The following MRRF variants were observed in gnomAD, a reference collection of about 807,000 sequenced individuals.
MRRF encodes ribosome-recycling factor, mitochondrial.
Under a neutral mutation model 25.1 loss-of-function variants are expected in MRRF, and 18 were observed. The observed-to-expected ratio is 0.72, with a 90% CI of 0.50 to 1.06. MRRF has a LOEUF of 1.06. MRRF is among the 50% of genes least tolerant of loss of function. The probability of loss-of-function intolerance (pLI) is 0.00; values close to 1 mark genes in which losing one functional copy is unlikely to be tolerated. For missense variants in MRRF, 323 were observed against 319.3 expected (o/e 1.01, Z -0.09); for synonymous variants, 113 against 112.1 (o/e 1.01, Z -0.05).
At position 122,314,752 on chromosome 9, in the gene MRRF, G is replaced by A. The variant is rs149185380; in HGVS notation, c.711+1366G>A. 1.9e-3 allele frequency among the ~76,000 whole-genome samples: 287 copies of A among 152,310 alleles called. 2 individuals are homozygous for A. The highest frequency in any genetic ancestry group is 6.3e-3 in the African/African-American group (263 of 41,570). On this transcript the variant is annotated intron_variant, in intron 6 of 6. Transcript: ENST00000344641. ...TTGTAGGGGGCAAGACTGGAGGCAG[G>A]GCGATAGGGATGCTGCTGCAGAAAT...
At chr9:122,293,151 T>C (rs1833881555) in intron 5 of MRRF, among the ~76,000 whole-genome samples, 1 of 152,086 alleles carries the variant, frequency 6.6e-6, no homozygotes, top group Non-Finnish European at 1.5e-5. Flanking sequence ...GCTTTTATTA[T>C]GGATAGGGAG....
rs1410032014 is a variant in MRRF, at chr9:122,322,811, C to T, written c.*194C>T. ...TTCTCTTCCTGCTTCTGCTCTGGGC[C>T]GGTGGGTGGCTCTCAGAAAATACTT... On this transcript the variant is annotated 3_prime_UTR_variant, in exon 7 of 7. Coordinates refer to ENST00000344641, the MANE Select transcript of MRRF (RefSeq NM_138777.5). 8 of 645,978 alleles carry T rather than the reference C, an allele frequency of 1.2e-5. No individual in the cohort carries two copies. Among genetic ancestry groups the T allele is most frequent in the Admixed American group, 4.8e-5 (2 of 41,814 alleles). 40.0% of individuals were successfully genotyped at this position (645,978 alleles called of 1,614,324 possible). A position where few individuals can be genotyped will look rare whatever the true frequency, so the allele number is the denominator to read the frequency against.
At position 122,325,632 on chromosome 9, in the gene MRRF, GT is replaced by G. The variant is rs1199180855; in HGVS notation, c.*3016del. ...AATTTGAGAATTTTTTTCCTGTCTG[GT>G]GTGTGTGTGTGTGTGTGTGTGTGTG... On this transcript the variant is annotated 3_prime_UTR_variant, in exon 7 of 7. Coordinates refer to ENST00000344641, the MANE Select transcript of MRRF (RefSeq NM_138777.5). The G allele has an allele frequency of 2.7e-3, 7 of 2,592 alleles. No homozygotes were observed. The highest frequency in any genetic ancestry group is 4.9e-3 in the Non-Finnish European group (5 of 1,018). The allele number at this position is 2,592 out of a possible 1,614,324, so 0.2% of individuals were successfully genotyped here.
At chr9:122,273,275 G>T (rs950376024) in intron 2 of MRRF, among the ~76,000 whole-genome samples, 1 of 151,886 alleles carries the variant, frequency 6.6e-6, no homozygotes, top group African/African-American at 2.4e-5. Context: ...ACATGGGGAA[G>T]CCCTGTCTCT....
At chr9:122,317,278 A>G (rs1457696671) in intron 6 of MRRF, among the ~76,000 whole-genome samples, 1 of 152,052 alleles carries the variant, frequency 6.6e-6, no homozygotes, top group Non-Finnish European at 1.5e-5. Context: ...TGAGCTGAAA[A>G]TGTTGCTTAT....
rs540522813 is a variant in MRRF, at chr9:122,270,792, G to A, written c.-28-72G>A. 80 of 1,163,400 alleles carry A rather than the reference G, an allele frequency of 6.9e-5. No individual in the cohort carries two copies. The East Asian group carries it at 1.6e-3, about 23-fold the overall frequency. 72.1% of individuals were successfully genotyped at this position (1,163,400 alleles called of 1,614,324 possible). ...ATAGGAGTTGCTTGATAATTGGTAC[G>A]AATTACCTGAAGTTGCAAGCTTTGT... On this transcript the variant is annotated intron_variant, in intron 1 of 6. Coordinates refer to ENST00000344641, the MANE Select transcript of MRRF (RefSeq NM_138777.5).
chr9:122,271,043 C>T lies in MRRF; in HGVS notation c.152C>T (p.Pro51Leu). The change falls in exon 2 of 7, where the codon CCA (proline) becomes CTA (leucine). Residue 51 changes from proline to leucine, a missense_variant. Coordinates refer to ENST00000344641, the MANE Select transcript of MRRF (RefSeq NM_138777.5). Reference sequence around the variant, plus strand: ...CAATACATGGCCTATTCAGCTGTACCAGTCCGCCATTTTGCTACCAAGAAA... The same window carrying T: ...CAATACATGGCCTATTCAGCTGTACTAGTCCGCCATTTTGCTACCAAGAAA... ...HRQYMAYSAVPVRHFATKKAK... is the reference protein window; with the variant it reads ...HRQYMAYSAVLVRHFATKKAK... 6.2e-7 allele frequency: 1 copy of T among 1,614,040 alleles called. No homozygotes were observed. The highest frequency in any genetic ancestry group is 2.2e-5 in the East Asian group (1 of 44,896).
rs887129305 is a variant in MRRF, at chr9:122,327,841, G to A, written c.*5224G>A. 3 of 149,788 alleles carry A rather than the reference G, an allele frequency of 2.0e-5. No homozygotes were observed. The highest frequency in any genetic ancestry group is 7.3e-5 in the African/African-American group (3 of 40,936). The allele number at this position is 149,788 out of a possible 1,614,324, so 9.3% of individuals were successfully genotyped here. A position where few individuals can be genotyped will look rare whatever the true frequency, so the allele number is the denominator to read the frequency against. Reference sequence around the variant, plus strand: ...GCTTTCCCCATTTCTTGATTTTTAAGCTTTCAGAATCACTATTTTAGGTGT... The same window carrying A: ...GCTTTCCCCATTTCTTGATTTTTAAACTTTCAGAATCACTATTTTAGGTGT... On this transcript the variant is annotated 3_prime_UTR_variant, in exon 7 of 7. Transcript: ENST00000344641.
intron 4 of MRRF, among the ~76,000 whole-genome samples, chr9:122,288,632 A>G (rs752769355): frequency 6.6e-6 from 1 of 152,232 alleles, no homozygotes; most frequent in Non-Finnish European, 1.5e-5. Context: ...AAGACAGACT[A>G]TGTGTCTACT....
Position 122,326,732 on chromosome 9 carries a change from A to G in MRRF, c.*4115A>G, listed in dbSNP as rs1836153653. ...CTCCTTCAACCTCAGGCTAACATTT[A>G]TTGAATGCCTACAGTCGGCCAGGTT... On this transcript the variant is annotated 3_prime_UTR_variant, in exon 7 of 7. Coordinates refer to ENST00000344641, the MANE Select transcript of MRRF (RefSeq NM_138777.5). 1 of 152,164 alleles carries G rather than the reference A, an allele frequency of 6.6e-6. No homozygotes were observed. Among genetic ancestry groups the G allele is most frequent in the Non-Finnish European group, 1.5e-5 (1 of 68,034 alleles). The allele number at this position is 152,164 out of a possible 1,614,324, so 9.4% of individuals were successfully genotyped here. A position where few individuals can be genotyped will look rare whatever the true frequency, so the allele number is the denominator to read the frequency against.
In MRRF at chr9:122,280,504, A is replaced by G. The variant is rs758475023; in HGVS notation, c.246A>G (p.Ile82Met). ...VNINAALVED[I>M]INLEEVNEEM... is the part of the protein sequence containing the mutation. ...TTAATGCTGCCTTGGTTGAGGATAT[A>G]ATCAACTTGGAAGAGGTGAATGAAG... The change falls in exon 3 of 7, where the codon ATA (isoleucine) becomes ATG (methionine). Residue 82 changes from isoleucine to methionine, a missense_variant. By Grantham distance (10) the Ile-to-Met change is conservative (BLOSUM62 1). Transcript: ENST00000344641. 1.2e-6 allele frequency: 2 copies of G among 1,613,990 alleles called. No individual in the cohort carries two copies. Among genetic ancestry groups the G allele is most frequent in the Non-Finnish European group, 1.7e-6 (2 of 1,179,852 alleles).
chr9:122,311,171 A>G (rs1052934249), intron 5 of MRRF, among the ~76,000 whole-genome samples: 5 of 152,188 alleles, frequency 3.3e-5, no homozygotes, highest in African/African-American at 7.2e-5. Context: ...TGAGCAATAG[A>G]TACAGGTATG....
intron 5 of MRRF, among the ~76,000 whole-genome samples, chr9:122,294,115 A>AC (rs1242460596): frequency 3.3e-5 from 5 of 151,844 alleles, no homozygotes; most frequent in Non-Finnish European, 5.9e-5. Context: ...CAGTCACTTA[A>AC]CCTCCCTGAG....
intron 5 of MRRF, among the ~76,000 whole-genome samples, chr9:122,311,112 A>G (rs1373597747): frequency 1.3e-5 from 2 of 152,212 alleles, no homozygotes; most frequent in Admixed American, 6.5e-5. Context: ...GAGATAAGGA[A>G]ACTGAGGCTC....
chr9:122,293,274 C>G (rs909506300), intron 5 of MRRF, among the ~76,000 whole-genome samples: 2 of 152,180 alleles, frequency 1.3e-5, no homozygotes, highest in Non-Finnish European at 2.9e-5. Flanking sequence ...CACACATTAT[C>G]CTGTATTCCT....
chr9:122,290,181 A>G (rs1347032796), intron 4 of MRRF, among the ~76,000 whole-genome samples: 4 of 152,194 alleles, frequency 2.6e-5, no homozygotes, highest in African/African-American at 9.7e-5. Context: ...TTAAATCCCT[A>G]TTCAGTCTCC....
chr9:122,306,408 G>A (rs1241875767), intron 5 of MRRF, among the ~76,000 whole-genome samples: 1 of 152,178 alleles, frequency 6.6e-6, no homozygotes, highest in East Asian at 1.9e-4. Context: ...GAACAGAGGA[G>A]AACAGTGAAG....
At chr9:122,288,151 A>G (rs886663640) in intron 4 of MRRF, among the ~76,000 whole-genome samples, 21 of 152,332 alleles carry the variant, frequency 1.4e-4, no homozygotes, top group South Asian at 2.1e-4. Flanking sequence ...GCTGCCTTCC[A>G]TAAACTTGCC....
In MRRF at chr9:122,296,897, C is replaced by G. The variant is rs529503850; in HGVS notation, c.551+5057C>G. 1.3e-3 allele frequency among the ~76,000 whole-genome samples: 203 copies of G among 152,326 alleles called. 1 individual carries two copies. The highest frequency in any genetic ancestry group is 4.6e-3 in the African/African-American group (190 of 41,586). ...TAATGCTATAAGGAAACTATGAATT[C>G]ACCCAGGAAACAAAACTACAGATGA... On this transcript the variant is annotated intron_variant, in intron 5 of 6. Coordinates refer to ENST00000344641, the MANE Select transcript of MRRF (RefSeq NM_138777.5).
Sources: allele counts gnomAD v4.1 joint callset (sites outside exome capture counted in the v4.1 genomes callset), GRCh38; gene constraint gnomAD v4.1.1; transcripts MANE v1.5; gene names NCBI Gene and HGNC (gene_info 2026-07-23, HGNC 2026-07-21).